BORCS5: variants seen among roughly 807,000 people sequenced by gnomAD.
The protein encoded by BORCS5 is BLOC-1 related complex subunit 5, also known as BLOC-1-related complex subunit 5.
In BORCS5, 17 loss-of-function variants were observed where a neutral mutation model predicts 22.1. The observed-to-expected ratio is 0.77, with a 90% confidence interval of 0.53 to 1.15. BORCS5 has a LOEUF of 1.15. BORCS5 is among the 50% of genes most tolerant of loss of function. BORCS5 has a pLI of 0.00. For missense variants in BORCS5, 247 were observed against 253.2 expected, an observed-to-expected ratio of 0.98 and a Z score of 0.17; for synonymous variants, 117 against 99.8, an observed-to-expected ratio of 1.17 and a Z score of -1.03.
chr12:12,402,065 C>CAAA (rs550592058), intron 2 of BORCS5, among the ~76,000 whole-genome samples: 3,710 of 94,218 alleles, frequency 0.039, 118 homozygotes, highest in African/African-American at 0.083. Flanking sequence ...GACTCCGTCT[C>CAAA]AAAAAAAAAA....
chr12:12,388,556 T>C (rs935224478), intron 2 of BORCS5, among the ~76,000 whole-genome samples: 3 of 151,484 alleles, frequency 2.0e-5, no homozygotes, highest in Middle Eastern at 3.4e-3. Flanking sequence ...TAGATAAGTA[T>C]ATTATTAATG....
chr12:12,417,966 T>TA (rs1942011739), intron 2 of BORCS5, among the ~76,000 whole-genome samples: 2 of 151,160 alleles, frequency 1.3e-5, no homozygotes, highest in South Asian at 2.1e-4. Flanking sequence ...TCTTTTTTTT[T>TA]ATCTTCTTGC....
intron 2 of BORCS5, among the ~76,000 whole-genome samples, chr12:12,394,492 TTAAA>T (rs1399325719): frequency 6.6e-6 from 1 of 151,992 alleles, no homozygotes; most frequent in East Asian, 1.9e-4. Context: ...GTTGGAATTA[TTAAA>T]TAAGTAAGAT....
intron 3 of BORCS5, among the ~76,000 whole-genome samples, chr12:12,462,257 T>C (rs1040702857): frequency 2.0e-5 from 3 of 152,356 alleles, no homozygotes; most frequent in East Asian, 1.9e-4. Context: ...GACAGTCTTT[T>C]AAGTGGCCAC....
Position 12,466,069 on chromosome 12 carries a change from T to G in BORCS5, c.*293T>G, listed in dbSNP as rs1943196910. On this transcript the variant is annotated 3_prime_UTR_variant, in exon 4 of 4. Transcript: ENST00000314565. ...GCATTGAGAATTATTTTTATTTAGT[T>G]TTTTTTTTTTTTTAATTGAGAGTAT... 2.4e-5 allele frequency: 1 copy of G among 41,924 alleles called. No homozygotes were observed. 2.6% of individuals were successfully genotyped at this position (41,924 alleles called of 1,614,324 possible). A position where few individuals can be genotyped will look rare whatever the true frequency, so the allele number is the denominator to read the frequency against.
chr12:12,410,453 A>T (rs1941704600), intron 2 of BORCS5, among the ~76,000 whole-genome samples: 2 of 152,196 alleles, frequency 1.3e-5, no homozygotes, highest in Admixed American at 6.5e-5. Flanking sequence ...ATGGCTAGCT[A>T]GTTTTCCCAG....
At chr12:12,399,058 C>T (rs901051428) in intron 2 of BORCS5, among the ~76,000 whole-genome samples, 1 of 152,118 alleles carries the variant, frequency 6.6e-6, no homozygotes, top group African/African-American at 2.4e-5. Flanking sequence ...AGAGGCCTTC[C>T]TTCTTCCAGA....
chr12:12,429,463 G>C (rs1173035813), intron 2 of BORCS5, among the ~76,000 whole-genome samples: 1 of 152,150 alleles, frequency 6.6e-6, no homozygotes, highest in Non-Finnish European at 1.5e-5. Context: ...TTTGCGGTGG[G>C]TTTATGGAGA....
At chr12:12,391,394 C>CT (rs34048201) in intron 2 of BORCS5, among the ~76,000 whole-genome samples, 86,499 of 149,690 alleles carry the variant, frequency 0.58, 26,286 homozygotes, top group African/African-American at 0.77. Context: ...TCAAAATGAC[C>CT]TTTTTTTTTG....
chr12:12,424,836 C>T (rs1592115401), intron 2 of BORCS5, among the ~76,000 whole-genome samples: 1 of 152,190 alleles, frequency 6.6e-6, no homozygotes, highest in South Asian at 2.1e-4. Flanking sequence ...TCTAATTTCC[C>T]CTATATATGT....
chr12:12,430,549 G>C (rs568050933), intron 2 of BORCS5, among the ~76,000 whole-genome samples: 42 of 152,264 alleles, frequency 2.8e-4, no homozygotes, highest in South Asian at 1.7e-3. Context: ...GATGGGTGAA[G>C]AAGGGAGAAC....
intron 2 of BORCS5, among the ~76,000 whole-genome samples, chr12:12,422,779 C>A (rs1250423812): frequency 2.0e-5 from 3 of 151,950 alleles, no homozygotes; most frequent in Non-Finnish European, 2.9e-5. Flanking sequence ...TAAACTAATA[C>A]TTTTTTAATG....
intron 2 of BORCS5, among the ~76,000 whole-genome samples, chr12:12,398,677 T>C (rs7311363): frequency 0.53 from 80,541 of 151,946 alleles, 21,721 homozygotes; most frequent in Non-Finnish European, 0.57. Context: ...CAAAATATGG[T>C]CATTTTAATG....
At chr12:12,368,268 G>A (rs1863446416) in intron 2 of BORCS5, among the ~76,000 whole-genome samples, 1 of 149,422 alleles carries the variant, frequency 6.7e-6, no homozygotes, top group South Asian at 2.1e-4. Context: ...CCCACCCAGT[G>A]GTATTCTGTT....
chr12:12,407,702 C>CTT (rs201404558), intron 2 of BORCS5, among the ~76,000 whole-genome samples: 2,737 of 141,496 alleles, frequency 0.019, 140 homozygotes, highest in African/African-American at 0.066. Flanking sequence ...TTTTACTATT[C>CTT]TTTTTGTTTT....
intron 3 of BORCS5, among the ~76,000 whole-genome samples, chr12:12,441,081 A>T (rs1436527589): frequency 1.3e-5 from 2 of 152,144 alleles, no homozygotes; most frequent in African/African-American, 4.8e-5. Context: ...GCCTTGTGGG[A>T]CATCTGTTCT....
At chr12:12,384,956 G>A (rs760794593) in intron 2 of BORCS5, among the ~76,000 whole-genome samples, 1 of 151,186 alleles carries the variant, frequency 6.6e-6, no homozygotes, top group Admixed American at 6.6e-5. Flanking sequence ...TTTCCTAGGG[G>A]TTGTCCATAT....
intron 2 of BORCS5, among the ~76,000 whole-genome samples, chr12:12,430,359 G>A (rs1418742270): frequency 1.3e-5 from 2 of 151,992 alleles, no homozygotes; most frequent in East Asian, 1.9e-4. Context: ...CACCATGTTA[G>A]CCAGGGTGGT....
At chr12:12,457,515 A>G (rs1301047425) in intron 3 of BORCS5, among the ~76,000 whole-genome samples, 1 of 152,212 alleles carries the variant, frequency 6.6e-6, no homozygotes, top group Non-Finnish European at 1.5e-5. Flanking sequence ...TAAAAATACA[A>G]AAAATTAGCT....
Sources: allele counts gnomAD v4.1 joint callset (sites outside exome capture counted in the v4.1 genomes callset), GRCh38; gene constraint gnomAD v4.1.1; transcripts MANE v1.5; gene names NCBI Gene and HGNC (gene_info 2026-07-23, HGNC 2026-07-21).